The following KIR3DL2 variants were observed in gnomAD, a reference collection of about 807,000 sequenced individuals.
The protein encoded by KIR3DL2 is killer cell immunoglobulin like receptor, three Ig domains and long cytoplasmic tail 2.
KIR3DL2 carries 42 observed loss-of-function variants against 41.6 expected under a neutral mutation model. That is an observed-to-expected ratio of 1.01 (90% CI 0.79 to 1.31). The LOEUF (loss-of-function observed/expected upper bound fraction) is 1.31. Among genes scored for constraint, KIR3DL2 ranks in the 50% most tolerant of loss-of-function variants. The pLI, the probability that KIR3DL2 is intolerant of heterozygous loss-of-function variation, is 0.00. For synonymous variants in KIR3DL2, 230 were observed against 221.3 expected (o/e 1.04, Z -0.35); for missense variants, 728 against 576.8 (o/e 1.26, Z -2.68).
intron 6 of KIR3DL2, among the ~76,000 whole-genome samples, chr19:54,864,291 G>C (rs2065362903): frequency 6.6e-6 from 1 of 152,106 alleles, no homozygotes; most frequent in African/African-American, 2.4e-5. Flanking sequence ...CAGGCAGCAT[G>C]ATGCCTCCAG....
chr19:54,856,934 C>T (rs954794358), intron 5 of KIR3DL2, among the ~76,000 whole-genome samples: 5 of 152,104 alleles, frequency 3.3e-5, no homozygotes, highest in African/African-American at 1.2e-4. Flanking sequence ...ATCCATTCAC[C>T]CACTGATAGG....
chr19:54,850,980 G>GGGGCCTGGAGTGGAGATAT (rs2064176652), intron 1 of KIR3DL2, among the ~76,000 whole-genome samples: 4 of 71,034 alleles, frequency 5.6e-5, no homozygotes, highest in African/African-American at 8.8e-5. Context: ...AGTGGAGATA[G>GGGGCCTGGAGTGGAGATAT]GGGCCTGGAG....
At position 54,853,772 on chromosome 19, in the gene KIR3DL2, G is replaced by A. The variant is rs2064492154; in HGVS notation, c.381G>A (p.Leu127=). The A allele has an allele frequency of 1.1e-5, 17 of 1,611,052 alleles. No individual in the cohort carries two copies. In the South Asian group the frequency reaches 1.9e-4, roughly 18 times the overall value. Residue 127 remains leucine, a synonymous_variant, in exon 4 of 9, where the codon CTG becomes CTA. Transcript: ENST00000326321. ...GAAACCACAGAAAACCTTCCCTCCT[G>A]GCCCACCCAGGGCCCCTGCTGAAAT... The part of the protein sequence containing the change: ...VTGNHRKPSL[L]AHPGPLLKSG...
At chr19:54,857,302 G>A (rs1463042898) in intron 5 of KIR3DL2, among the ~76,000 whole-genome samples, 2 of 151,404 alleles carry the variant, frequency 1.3e-5, no homozygotes, top group African/African-American at 4.9e-5. Flanking sequence ...TTTTGGGCAG[G>A]CTGCTCTCAA....
Position 54,851,251 on chromosome 19 carries a change from C to T in KIR3DL2, c.66C>T (p.Leu22=), listed in dbSNP as rs1299865374. The T allele has an allele frequency of 3.1e-6, 5 of 1,608,302 alleles. No homozygotes were observed. The highest frequency in any genetic ancestry group is 4.2e-6 in the Non-Finnish European group (5 of 1,177,526). ...TCTTGCTGCAGGGGGCCTGGCCACT[C>T]ATGGGTGAGTCCGTCCCCAAACCTT... The part of the protein sequence containing the change: ...GFFLLQGAWP[L]MGGQDKPFLS... The change falls in exon 2 of 9, where the codon CTC becomes CTT. Residue 22 remains leucine, a synonymous_variant. Coordinates refer to ENST00000326321, the MANE Select transcript of KIR3DL2 (RefSeq NM_006737.4).
At chr19:54,862,111 G>A (rs185930477) in intron 6 of KIR3DL2, among the ~76,000 whole-genome samples, 168 of 152,192 alleles carry the variant, frequency 1.1e-3, no homozygotes, top group Admixed American at 4.9e-3. Context: ...TGGTGGAGGG[G>A]GTGGTCTTTC....
intron 6 of KIR3DL2, among the ~76,000 whole-genome samples, chr19:54,861,416 C>T (rs1241663209): frequency 6.6e-6 from 1 of 152,004 alleles, no homozygotes; most frequent in African/African-American, 2.4e-5. Flanking sequence ...GAGGCCAACG[C>T]GGGTGGATCA....
chr19:54,852,419 T>C (rs1243728459), intron 3 of KIR3DL2, 137 bp downstream of exon 3: 2 of 1,175,270 alleles, frequency 1.7e-6, no homozygotes, highest in African/African-American at 3.1e-5. Context: ...ACAGGGGAAA[T>C]GGGTGCTGTG....
At chr19:54,862,074 G>A (rs1418565691) in intron 6 of KIR3DL2, among the ~76,000 whole-genome samples, 11 of 152,098 alleles carry the variant, frequency 7.2e-5, no homozygotes, top group African/African-American at 2.7e-4. Flanking sequence ...TAATTCACAG[G>A]AGGACAGGTG....
chr19:54,866,344 G>T, intron 7 of KIR3DL2, 26 bp from the exon 8 acceptor site: 1 of 1,613,788 alleles, frequency 6.2e-7, no homozygotes, highest in African/African-American at 1.3e-5. Context: ...CCTCCAAGCG[G>T]TTTTGATGAC....
intron 3 of KIR3DL2, among the ~76,000 whole-genome samples, chr19:54,853,497 C>T (rs375557776): frequency 6.6e-6 from 1 of 151,748 alleles, no homozygotes; most frequent in African/African-American, 2.4e-5. Flanking sequence ...AGAGATACAA[C>T]AGCCCAAGAG....
intron 5 of KIR3DL2, 132 bp from the exon 6 acceptor site, chr19:54,858,947 A>G: frequency 2.0e-6 from 2 of 1,024,494 alleles, no homozygotes; most frequent in South Asian, 2.7e-5. Flanking sequence ...AATTATGGAG[A>G]AAAGGATCCC....
rs1231254072 is a variant in KIR3DL2 at position 54,862,500 on chromosome 19, C to T, written c.1001-3305C>T. 2.0e-5 allele frequency among the ~76,000 whole-genome samples: 3 copies of T among 152,102 alleles called. No individual in the cohort carries two copies. The South Asian group carries it at 6.2e-4, about 32-fold the overall frequency. On this transcript the variant is annotated intron_variant, in intron 6 of 8. Coordinates refer to ENST00000326321, the MANE Select transcript of KIR3DL2 (RefSeq NM_006737.4). ...AGGTTCATTACTAACAGATAAGCAG[C>T]GAGTGACAACAGAAGCCTACATTTC...
At chr19:54,865,407 A>C (rs2065433868) in intron 6 of KIR3DL2, among the ~76,000 whole-genome samples, 1 of 151,944 alleles carries the variant, frequency 6.6e-6, no homozygotes, top group Non-Finnish European at 1.5e-5. Context: ...GGAGCTTCCA[A>C]GCTCTTTTTA....
intron 8 of KIR3DL2, 23 bp from the exon 9 acceptor site, chr19:54,866,499 A>G: frequency 6.2e-7 from 1 of 1,613,880 alleles, no homozygotes; most frequent in Non-Finnish European, 8.5e-7. Flanking sequence ...ACCCTCCCTC[A>G]CTCAGCATTT....
At position 54,856,032 on chromosome 19, in the gene KIR3DL2, A is replaced by AGG. The variant is rs68073583; in HGVS notation, c.949+127_949+128dup. Reference sequence around the variant, plus strand: ...AGAGAGAACACGAAGACTGGGTGTGAGGGGGGGGTCAGGGTGCAGGATGGC... The same window carrying AGG: ...AGAGAGAACACGAAGACTGGGTGTGAGGGGGGGGGGTCAGGGTGCAGGATGGC... On this transcript the variant is annotated intron_variant, in intron 5 of 8. Transcript: ENST00000326321. The AGG allele has an allele frequency of 2.4e-5, 29 of 1,218,754 alleles. 1 individual carries two copies. Among genetic ancestry groups the AGG allele is most frequent in the South Asian group, 8.5e-5 (6 of 70,266 alleles). 75.5% of individuals were successfully genotyped at this position (1,218,754 alleles called of 1,614,324 possible). A position where few individuals can be genotyped will look rare whatever the true frequency, so the allele number is the denominator to read the frequency against.
intron 6 of KIR3DL2, among the ~76,000 whole-genome samples, chr19:54,863,548 C>A (rs1468121157): frequency 6.6e-6 from 1 of 152,112 alleles, no homozygotes. Context: ...GATCGCCATT[C>A]TAACTGGTGT....
intron 7 of KIR3DL2, 59 bp from the exon 8 acceptor site, chr19:54,866,311 A>G (rs2065510451): frequency 1.3e-6 from 2 of 1,593,314 alleles, no homozygotes; most frequent in Non-Finnish European, 1.7e-6. Context: ...GTGTCTGCCC[A>G]TGAAATGAGG....
chr19:54,853,845 C>G lies in KIR3DL2; in HGVS notation c.454C>G (p.His152Asp). The change falls in exon 4 of 9, where the codon CAC becomes GAC. Residue 152 changes from histidine (H) to aspartate (D), a missense_variant. By Grantham distance (81) the His-to-Asp change is moderately conservative. Coordinates refer to ENST00000326321, the MANE Select transcript of KIR3DL2 (RefSeq NM_006737.4). ...LQCWSDVMFEHFFLHREGISE... is the reference protein window; with the variant it reads ...LQCWSDVMFEDFFLHREGISE... ...ATGTTGGTCAGATGTCATGTTTGAGCACTTCTTTCTGCACAGAGAGGGGAT... is the reference window on the plus strand; with the variant it reads ...ATGTTGGTCAGATGTCATGTTTGAGGACTTCTTTCTGCACAGAGAGGGGAT... The G allele has an allele frequency of 6.2e-7, 1 of 1,613,266 alleles. No individual in the cohort carries two copies. Among genetic ancestry groups the G allele is most frequent in the Non-Finnish European group, 8.5e-7 (1 of 1,179,738 alleles).
Sources: gnomAD v4.1 joint callset for allele counts (sites outside exome capture counted in the v4.1 genomes callset) on GRCh38, gnomAD v4.1.1 for gene constraint, MANE v1.5 for transcripts, NCBI Gene and HGNC (gene_info 2026-07-23, HGNC 2026-07-21) for gene names.